Variants in RNF217 observed in about 807,000 individuals in gnomAD.
The protein encoded by RNF217 is E3 ubiquitin-protein ligase RNF217.
Under a neutral mutation model 57.8 loss-of-function variants are expected in RNF217, and 31 were observed. That is an observed-to-expected ratio of 0.54 (90% CI 0.40 to 0.72). RNF217 has a LOEUF of 0.72. Among genes scored for constraint, RNF217 ranks in the 30% least tolerant of loss-of-function variants. The pLI, the probability that RNF217 is intolerant of heterozygous loss-of-function variation, is 0.00. For synonymous variants in RNF217, 313 were observed against 294.0 expected, an observed-to-expected ratio of 1.06 and a Z score of -0.66; for missense variants, 696 against 708.3, an observed-to-expected ratio of 0.98 and a Z score of 0.20.
intron 2 of RNF217, 117 bp from the exon 3 acceptor site, chr6:125,057,825 G>A (rs775584558): frequency 1.5e-4 from 118 of 768,588 alleles, no homozygotes; most frequent in Non-Finnish European, 2.2e-4. Context: ...GTCTTATAGA[G>A]GGGGAGGTAT....
At chr6:125,054,985 A>T (rs1475115998) in intron 2 of RNF217, among the ~76,000 whole-genome samples, 1 of 152,136 alleles carries the variant, frequency 6.6e-6, no homozygotes, top group Non-Finnish European at 1.5e-5. Flanking sequence ...TTTCATGTGG[A>T]AGAATAACTG....
chr6:125,016,584 CT>C (rs1274232834), intron 1 of RNF217, among the ~76,000 whole-genome samples: 3 of 151,988 alleles, frequency 2.0e-5, no homozygotes, highest in Non-Finnish European at 2.9e-5. Context: ...TGTAAGTTTT[CT>C]TTTAAAGAAA....
At chr6:124,972,190 T>C (rs1046765539) in intron 1 of RNF217, among the ~76,000 whole-genome samples, 1 of 152,232 alleles carries the variant, frequency 6.6e-6, no homozygotes, top group African/African-American at 2.4e-5. Context: ...GGGGTCATCA[T>C]TGAGCTATTC....
intron 1 of RNF217, among the ~76,000 whole-genome samples, chr6:125,019,136 T>A (rs1416052385): frequency 6.6e-6 from 1 of 152,202 alleles, no homozygotes; most frequent in African/African-American, 2.4e-5. Context: ...ATCTTCCAGT[T>A]AGCTTCCTAC....
intron 1 of RNF217, among the ~76,000 whole-genome samples, chr6:125,025,167 A>G (rs2114435911): frequency 6.6e-6 from 1 of 152,306 alleles, no homozygotes; most frequent in Admixed American, 6.5e-5. Flanking sequence ...AAGGATTCAA[A>G]TGGACATTTA....
In RNF217 at chr6:125,000,886, G is replaced by C. The variant is rs1009482743; in HGVS notation, c.882+37460G>C. 5.9e-5 allele frequency among the ~76,000 whole-genome samples: 9 copies of C among 151,990 alleles called. No individual in the cohort carries two copies. The East Asian group carries it at 1.5e-3, about 26-fold the overall frequency. On this transcript the variant is annotated intron_variant, in intron 1 of 5. Coordinates refer to ENST00000521654, the MANE Select transcript of RNF217 (RefSeq NM_001286398.3). Reference sequence around the variant, plus strand: ...TTCAAGCATAGCATGCATACCACAGGGATTTTTTATTCTTTCTTTTATATG... The same window carrying C: ...TTCAAGCATAGCATGCATACCACAGCGATTTTTTATTCTTTCTTTTATATG...
chr6:124,974,012 T>C (rs1019144744), intron 1 of RNF217, among the ~76,000 whole-genome samples: 1 of 152,212 alleles, frequency 6.6e-6, no homozygotes, highest in African/African-American at 2.4e-5. Flanking sequence ...TGCCCCCACA[T>C]GGCCTTGACA....
intron 2 of RNF217, among the ~76,000 whole-genome samples, chr6:125,046,884 A>C (rs946334947): frequency 3.3e-5 from 5 of 152,046 alleles, no homozygotes; most frequent in African/African-American, 9.7e-5. Context: ...ATTCTCTATC[A>C]GGTATAACTG....
intron 1 of RNF217, among the ~76,000 whole-genome samples, chr6:124,979,987 C>T (rs182539794): frequency 5.2e-4 from 79 of 152,278 alleles, no homozygotes; most frequent in African/African-American, 1.8e-3. Flanking sequence ...TATAGCAGAA[C>T]GTCCTTGCAG....
At chr6:125,057,222 C>A (rs564027979) in intron 2 of RNF217, among the ~76,000 whole-genome samples, 2 of 152,324 alleles carry the variant, frequency 1.3e-5, no homozygotes, top group African/African-American at 4.8e-5. Context: ...GTCGCCCATG[C>A]TGGAGTGCAG....
At chr6:124,978,825 A>G (rs1784057835) in intron 1 of RNF217, among the ~76,000 whole-genome samples, 2 of 152,310 alleles carry the variant, frequency 1.3e-5, no homozygotes, top group Middle Eastern at 3.4e-3. Flanking sequence ...CATGGACACC[A>G]GAGAGTGAGT....
At chr6:125,024,760 G>T (rs1036628602) in intron 1 of RNF217, among the ~76,000 whole-genome samples, 1 of 151,868 alleles carries the variant, frequency 6.6e-6, no homozygotes, top group African/African-American at 2.4e-5. Flanking sequence ...GCAGTCAGGG[G>T]GACATGGGAA....
chr6:125,019,834 G>GC (rs1037549280), intron 1 of RNF217, among the ~76,000 whole-genome samples: 4 of 141,592 alleles, frequency 2.8e-5, no homozygotes, highest in East Asian at 2.0e-4. Context: ...TTTTTGCAGT[G>GC]GGGGGGGAGT....
At chr6:125,057,295 T>A (rs986113907) in intron 2 of RNF217, among the ~76,000 whole-genome samples, 2 of 152,062 alleles carry the variant, frequency 1.3e-5, no homozygotes, top group African/African-American at 4.8e-5. Flanking sequence ...TCATGTCTCG[T>A]GTCATCCTCC....
At position 125,091,250 on chromosome 6, in the gene RNF217, C is replaced by T. The variant is rs1433385188; in HGVS notation, c.*8313C>T. ...GGTTTATTCTCATTTTCCAATAGCA[C>T]TAATGTATAATCCCTTTAACCTTCC... On this transcript the variant is annotated 3_prime_UTR_variant, in exon 6 of 6. Transcript: ENST00000521654. 6.6e-6 allele frequency: 1 copy of T among 152,034 alleles called. No homozygotes were observed. The highest frequency in any genetic ancestry group is 1.5e-5 in the Non-Finnish European group (1 of 67,930). The allele number at this position is 152,034 out of a possible 1,614,324, so 9.4% of individuals were successfully genotyped here. A position where few individuals can be genotyped will look rare whatever the true frequency, so the allele number is the denominator to read the frequency against.
intron 1 of RNF217, among the ~76,000 whole-genome samples, chr6:124,990,128 C>T (rs1017562314): frequency 5.3e-5 from 8 of 152,216 alleles, no homozygotes; most frequent in Admixed American, 2.6e-4. Flanking sequence ...ACTTTCTTCA[C>T]TTGACTTCAA....
At chr6:125,044,243 T>G (rs919443772) in intron 1 of RNF217, among the ~76,000 whole-genome samples, 7 of 151,998 alleles carry the variant, frequency 4.6e-5, no homozygotes, top group African/African-American at 1.7e-4. Context: ...TCATTTGGAG[T>G]TTTTAGTGCC....
intron 1 of RNF217, among the ~76,000 whole-genome samples, chr6:124,964,041 G>A (rs1474450549): frequency 6.6e-6 from 1 of 152,206 alleles, no homozygotes; most frequent in South Asian, 2.1e-4. Context: ...GCAAAACAAA[G>A]CAAAGAGAGG....
chr6:125,087,358 C>G lies in RNF217; in HGVS notation c.*4421C>G, dbSNP rs1788800824. ...CCTGCACATAAGCCTTAATGTGAGT[C>G]TTCACATTGGATTATATTTTTATTC... On this transcript the variant is annotated 3_prime_UTR_variant, in exon 6 of 6. Transcript: ENST00000521654. The G allele has an allele frequency of 6.6e-6, 1 of 152,088 alleles. No individual in the cohort carries two copies. The highest frequency in any genetic ancestry group is 2.4e-5 in the African/African-American group (1 of 41,430). 9.4% of individuals were successfully genotyped at this position (152,088 alleles called of 1,614,324 possible). A position where few individuals can be genotyped will look rare whatever the true frequency, so the allele number is the denominator to read the frequency against.
Sources: gnomAD v4.1 joint callset for allele counts (sites outside exome capture counted in the v4.1 genomes callset) on GRCh38, gnomAD v4.1.1 for gene constraint, MANE v1.5 for transcripts, NCBI Gene and HGNC (gene_info 2026-07-23, HGNC 2026-07-21) for gene names.